The following WIPF1 variants were observed in gnomAD, a reference collection of about 807,000 sequenced individuals.
WIPF1 encodes WAS/WASL-interacting protein family member 1.
A neutral mutation model predicts 35.4 loss-of-function variants in WIPF1; 13 were observed. That is an observed-to-expected ratio of 0.37 (90% CI 0.24 to 0.58). The LOEUF is 0.58. Among genes scored for constraint, WIPF1 ranks in the 20% least tolerant of loss-of-function variants. The pLI is 0.74. For missense variants in WIPF1, 591 were observed against 667.0 expected, an observed-to-expected ratio of 0.89 and a Z score of 1.25; for synonymous variants, 267 against 266.3, an observed-to-expected ratio of 1.00 and a Z score of -0.02.
chr2:174,659,447 T>C (rs987561891), intron 1 of WIPF1, among the ~76,000 whole-genome samples: 1 of 152,236 alleles, frequency 6.6e-6, no homozygotes, highest in African/African-American at 2.4e-5. Context: ...GCTGGGACTC[T>C]AAAAATCTAC....
intron 1 of WIPF1, among the ~76,000 whole-genome samples, chr2:174,596,264 G>A (rs1685820627): frequency 6.6e-6 from 1 of 152,188 alleles, no homozygotes; most frequent in South Asian, 2.1e-4. Context: ...ACCTGACTTA[G>A]TGAAAAATGA....
rs551242658 is a variant in WIPF1, at chr2:174,571,221, C to A, written c.1129+455G>T. 3 of 273,858 alleles carry A rather than the reference C, an allele frequency of 1.1e-5. No homozygotes were observed. Among genetic ancestry groups the A allele is most frequent in the East Asian group, 8.6e-5 (1 of 11,642 alleles). 17.0% of individuals were successfully genotyped at this position (273,858 alleles called of 1,614,324 possible). A position where few individuals can be genotyped will look rare whatever the true frequency, so the allele number is the denominator to read the frequency against. ...ATAGGGAAATGGCCTCAAAGCCTGG[C>A]GAATGAAGAGAGAAGTACAGGAGAA... On this transcript the variant is annotated intron_variant, in intron 5 of 7. Coordinates refer to ENST00000679041, the MANE Select transcript of WIPF1 (RefSeq NM_001375834.1). This position sits in a 1 kb window ranked among gnomAD's most constrained non-coding sequence, Gnocchi z 4.6.
intron 1 of WIPF1, among the ~76,000 whole-genome samples, chr2:174,639,236 G>A (rs146303876): frequency 6.6e-6 from 1 of 152,122 alleles, no homozygotes; most frequent in Non-Finnish European, 1.5e-5. Flanking sequence ...CTTCTTTTGA[G>A]AAATGTCTAC....
intron 1 of WIPF1, among the ~76,000 whole-genome samples, chr2:174,639,603 C>T (rs1687255935): frequency 6.6e-6 from 1 of 151,996 alleles, no homozygotes; most frequent in South Asian, 2.1e-4. Flanking sequence ...CTTATATAGC[C>T]TGGATATTAA....
chr2:174,639,950 G>T lies in WIPF1; in HGVS notation c.-39+42824C>A, dbSNP rs565075597. Among the ~76,000 whole-genome samples, 5 of 152,174 alleles carry T rather than the reference G, an allele frequency of 3.3e-5. No individual in the cohort carries two copies. In the East Asian group the frequency reaches 7.7e-4, roughly 24 times the overall value. On this transcript the variant is annotated intron_variant, in intron 1 of 8. Transcript: ENST00000272746. ...TCCTATCTAAAGCAATTAGGCAAGA[G>T]AAATAAATAGAAGCATCCAAATTGG...
At chr2:174,586,520 G>A (rs1054069230) in intron 1 of WIPF1, among the ~76,000 whole-genome samples, 2 of 152,270 alleles carry the variant, frequency 1.3e-5, no homozygotes, top group East Asian at 1.9e-4. Context: ...GGGGCAGGGC[G>A]GAGAGGGCAG....
chr2:174,678,399 A>G lies in WIPF1; in HGVS notation c.-39+4375T>C, dbSNP rs75473377. Among the ~76,000 whole-genome samples the G allele has an allele frequency of 3.8e-3, 576 of 152,350 alleles. 4 individuals carry two copies. Among genetic ancestry groups the G allele is most frequent in the African/African-American group, 0.013 (547 of 41,592 alleles). On this transcript the variant is annotated intron_variant, in intron 1 of 8. Coordinates refer to the WIPF1 transcript ENST00000272746. ...TAGCTACATTTTTATTTTATTGACT[A>G]TTAGCATAGTCTATTATTTTTGACT... is the stretch of plus-strand genomic sequence containing the variant.
At chr2:174,642,825 G>A (rs557514767) in intron 1 of WIPF1, among the ~76,000 whole-genome samples, 3 of 148,914 alleles carry the variant, frequency 2.0e-5, no homozygotes, top group Non-Finnish European at 2.9e-5. Context: ...CCTCCTCCAC[G>A]TTTCTTATTT....
intron 2 of WIPF1, among the ~76,000 whole-genome samples, chr2:174,582,654 C>A (rs951338337): frequency 6.6e-6 from 1 of 152,170 alleles, no homozygotes; most frequent in Non-Finnish European, 1.5e-5. Flanking sequence ...AACTCTTGGG[C>A]TCAAGTGATC....
intron 1 of WIPF1, among the ~76,000 whole-genome samples, chr2:174,642,870 GCTT>G (rs1687329015): frequency 6.7e-6 from 1 of 149,248 alleles, no homozygotes; most frequent in Non-Finnish European, 1.5e-5. Flanking sequence ...TATTTTATTA[GCTT>G]CTTAAGTCAC....
At chr2:174,638,904 T>C (rs1687240427) in intron 1 of WIPF1, among the ~76,000 whole-genome samples, 1 of 152,268 alleles carries the variant, frequency 6.6e-6, no homozygotes, top group African/African-American at 2.4e-5. Context: ...ATGTATCCAG[T>C]AGTGGGACTG....
chr2:174,681,472 G>A (rs1399126403), intron 1 of WIPF1, among the ~76,000 whole-genome samples: 2 of 152,196 alleles, frequency 1.3e-5, no homozygotes, highest in Non-Finnish European at 2.9e-5. Flanking sequence ...AACTGAAGTA[G>A]AACATTTCTT....
At chr2:174,647,781 T>C (rs985701216) in intron 1 of WIPF1, among the ~76,000 whole-genome samples, 11 of 152,120 alleles carry the variant, frequency 7.2e-5, no homozygotes, top group African/African-American at 2.2e-4. Flanking sequence ...GCAGAAGCCA[T>C]GAAGGTAGGT....
upstream of WIPF1, chr2:174,597,973 G>C (rs975261048): frequency 6.6e-6 from 1 of 152,494 alleles, no homozygotes; most frequent in Non-Finnish European, 1.5e-5. Flanking sequence ...CAGCTATTTG[G>C]TACAGTGACA....
In WIPF1 at chr2:174,597,602, G is replaced by A. The variant is rs1452046511; in HGVS notation, c.-40C>T. 1 of 152,572 alleles carries A rather than the reference G, an allele frequency of 6.6e-6. No homozygotes were observed. The highest frequency in any genetic ancestry group is 2.4e-5 in the African/African-American group (1 of 41,428). The allele number at this position is 152,572 out of a possible 1,614,324, so 9.5% of individuals were successfully genotyped here. A position where few individuals can be genotyped will look rare whatever the true frequency, so the allele number is the denominator to read the frequency against. On this transcript the variant is annotated splice_region_variant and 5_prime_UTR_variant, in exon 1 of 8. The change creates a new upstream start codon in the 5' untranslated region. Coordinates refer to ENST00000679041, the MANE Select transcript of WIPF1 (RefSeq NM_001375834.1). ...TAGTTTGAATATAATTTTTCTTACC[G>A]TTAAAGGGTACTGCAGGGAGCCATG... is the stretch of plus-strand genomic sequence containing the variant.
chr2:174,661,111 G>T (rs969878019), intron 1 of WIPF1, among the ~76,000 whole-genome samples: 2 of 152,206 alleles, frequency 1.3e-5, no homozygotes, highest in Non-Finnish European at 1.5e-5. Flanking sequence ...CTGATCAGTT[G>T]GTGCTGGGGC....
At position 174,576,115 on chromosome 2, in the gene WIPF1, G is replaced by A. The variant is rs562077891; in HGVS notation, c.182-735C>T. The stretch of plus-strand genomic sequence containing the variant: ...CGAAAATAAACAACAACAACAAAAT[G>A]TAGCCAGGCATGGTGGTGCACACCT... On this transcript the variant is annotated intron_variant, in intron 3 of 7. Transcript: ENST00000679041. 6.6e-5 allele frequency among the ~76,000 whole-genome samples: 10 copies of A among 150,858 alleles called. No individual in the cohort carries two copies. The South Asian group carries it at 1.5e-3, about 22-fold the overall frequency.
Position 174,567,152 on chromosome 2 carries a change from C to A in WIPF1, c.1374G>T (p.Pro458=). The A allele has an allele frequency of 6.2e-7, 1 of 1,614,108 alleles. No homozygotes were observed. The highest frequency in any genetic ancestry group is 1.3e-5 in the African/African-American group (1 of 75,008). ...GCTCTGGAGGTGGCAAATCGGAAAT[C>A]GGATGGAAGTAGAATCTGCTTTCCC... ...DEWESRFYFH[P]ISDLPPPEPY... Residue 458 remains proline (P), a synonymous_variant, in exon 7 of 8, where the codon CCG becomes CCT. Coordinates refer to ENST00000679041, the MANE Select transcript of WIPF1 (RefSeq NM_001375834.1).
intron 7 of WIPF1, among the ~76,000 whole-genome samples, chr2:174,563,731 G>T (rs1269054984): frequency 3.3e-5 from 5 of 152,192 alleles, no homozygotes; most frequent in Non-Finnish European, 7.3e-5. Flanking sequence ...GTTGTGAACA[G>T]GTCTAACTGG....
Sources: allele counts gnomAD v4.1 joint callset (sites outside exome capture counted in the v4.1 genomes callset), GRCh38; gene constraint gnomAD v4.1.1; non-coding constraint Gnocchi (gnomAD v3.1); transcripts MANE v1.5; gene names NCBI Gene and HGNC (gene_info 2026-07-23, HGNC 2026-07-21).